The following RABGAP1 variants were observed in gnomAD, a reference collection of about 807,000 sequenced individuals.
RABGAP1 encodes the protein RAB GTPase activating protein 1, also known as rab GTPase-activating protein 1.
In RABGAP1, 23 loss-of-function variants were observed where a neutral mutation model predicts 137.6. That is an observed-to-expected ratio of 0.17 (90% CI 0.12 to 0.24). The LOEUF (loss-of-function observed/expected upper bound fraction) is 0.24, where lower values mean the gene tolerates loss of function less well. Ranked by LOEUF, RABGAP1 falls within the 10% of genes least tolerant of loss-of-function variation. The pLI is 1.00. For synonymous variants in RABGAP1, 451 were observed against 450.7 expected (o/e 1.00, Z -0.01); for missense variants, 906 against 1,275.8 (o/e 0.71, Z 4.42).
chr9:122,989,998 A>G (rs1836585380), intron 5 of RABGAP1, 58 bp from the exon 6 acceptor site: 2 of 1,449,182 alleles, frequency 1.4e-6, no homozygotes, highest in Non-Finnish European at 1.9e-6. Flanking sequence ...TTCCAGCCTT[A>G]ATAAAGGTAT....
Position 122,962,029 on chromosome 9 carries a change from A to G in RABGAP1, c.150+4820A>G, listed in dbSNP as rs533532693. Among the ~76,000 whole-genome samples, 3 of 152,310 alleles carry G rather than the reference A, an allele frequency of 2.0e-5. No homozygotes were observed. In the East Asian group the frequency reaches 5.8e-4, roughly 29 times the overall value. On this transcript the variant is annotated intron_variant, in intron 2 of 25. Transcript: ENST00000373647. Reference sequence around the variant, plus strand: ...CTTCTTTAAAGGTATATATAAAATTATATAAAGTAATAATTGTGACAATGT... The same window carrying G: ...CTTCTTTAAAGGTATATATAAAATTGTATAAAGTAATAATTGTGACAATGT...
At chr9:123,014,350 T>C (rs2031054870) in intron 11 of RABGAP1, among the ~76,000 whole-genome samples, 1 of 152,232 alleles carries the variant, frequency 6.6e-6, no homozygotes. Flanking sequence ...AAAGTATGTT[T>C]GTGTTTTCTT....
At chr9:123,088,313 G>A (rs2034931216) in intron 19 of RABGAP1, among the ~76,000 whole-genome samples, 1 of 151,942 alleles carries the variant, frequency 6.6e-6, no homozygotes, top group African/African-American at 2.4e-5. Flanking sequence ...GCCTCCCAAA[G>A]TGCTGAGATT....
intron 10 of RABGAP1, 52 bp downstream of exon 10, chr9:122,998,818 C>CGTGAT: frequency 8.2e-7 from 1 of 1,213,248 alleles, no homozygotes; most frequent in Non-Finnish European, 1.1e-6. Flanking sequence ...GGAGAAATCA[C>CGTGAT]GTCTGAGGCT....
At position 123,104,606 on chromosome 9, in the gene RABGAP1, GA is replaced by G. The variant is rs2035446513; in HGVS notation, c.*1394del. The G allele has an allele frequency of 6.6e-6, 1 of 152,326 alleles. No individual in the cohort carries two copies. Among genetic ancestry groups the G allele is most frequent in the Non-Finnish European group, 1.5e-5 (1 of 68,046 alleles). The allele number at this position is 152,326 out of a possible 1,614,324, so 9.4% of individuals were successfully genotyped here. The stretch of plus-strand genomic sequence containing the variant: ...CTTATTGGCTGTACTAACGCTTGCT[GA>G]GGTTATCTGTAATAAGGGAGGTAAC... On this transcript the variant is annotated 3_prime_UTR_variant, in exon 26 of 26. Transcript: ENST00000373647.
chr9:123,042,854 A>T (rs1017667862), intron 13 of RABGAP1, among the ~76,000 whole-genome samples: 1 of 152,236 alleles, frequency 6.6e-6, no homozygotes, highest in Admixed American at 6.5e-5. Flanking sequence ...AAAGATTCAC[A>T]TGATGGCAAA....
chr9:123,052,064 C>T (rs2033506669), intron 13 of RABGAP1, among the ~76,000 whole-genome samples: 1 of 151,906 alleles, frequency 6.6e-6, no homozygotes, highest in South Asian at 2.1e-4. Context: ...GTCGACCTCC[C>T]AAAGTACTGG....
chr9:122,997,862 T>C (rs1837114981), intron 9 of RABGAP1, among the ~76,000 whole-genome samples: 1 of 152,196 alleles, frequency 6.6e-6, no homozygotes, highest in African/African-American at 2.4e-5. Flanking sequence ...AAAATGTAAT[T>C]TGCTTAATAA....
intron 2 of RABGAP1, among the ~76,000 whole-genome samples, chr9:122,968,111 CATG>C (rs777704716): frequency 2.6e-5 from 4 of 151,764 alleles, no homozygotes; most frequent in African/African-American, 7.3e-5. Flanking sequence ...TTACATGAGA[CATG>C]AGACATTTTC....
intron 13 of RABGAP1, among the ~76,000 whole-genome samples, chr9:123,027,108 C>CTTTTTTTTTTT (rs71388345): frequency 1.0e-5 from 1 of 100,058 alleles, no homozygotes; most frequent in African/African-American, 3.4e-5. Context: ...TCTTTCTTTT[C>CTTTTTTTTTTT]TTTTTTTTTT....
chr9:123,044,687 A>C (rs1052207722), intron 13 of RABGAP1, among the ~76,000 whole-genome samples: 1 of 151,866 alleles, frequency 6.6e-6, no homozygotes, highest in African/African-American at 2.4e-5. Flanking sequence ...GTGCTGGTAC[A>C]TGAGTATAAT....
rs544096204 is a variant in RABGAP1 at position 123,027,230 on chromosome 9, C to CA, written c.1794+6772dup. Among the ~76,000 whole-genome samples the CA allele has an allele frequency of 1.2e-4, 18 of 151,262 alleles. No homozygotes were observed. The South Asian group carries it at 3.7e-3, about 32-fold the overall frequency. ...CTCCCAGGTTCAGTGATTCTCCTGT[C>CA]ACAGCCTCCCGAGTAGCTGGGACTA... On this transcript the variant is annotated intron_variant, in intron 13 of 25. Coordinates refer to ENST00000373647, the MANE Select transcript of RABGAP1 (RefSeq NM_012197.4).
intron 10 of RABGAP1, among the ~76,000 whole-genome samples, chr9:123,007,108 CAG>C (rs1322086600): frequency 6.7e-6 from 1 of 150,336 alleles, no homozygotes; most frequent in Non-Finnish European, 1.5e-5. Flanking sequence ...TTTTTTTAGA[CAG>C]AGTCTCACTA....
intron 13 of RABGAP1, among the ~76,000 whole-genome samples, chr9:123,057,115 C>A (rs1270365604): frequency 4.0e-5 from 6 of 148,704 alleles, no homozygotes; most frequent in Admixed American, 2.7e-4. Context: ...CTGACCCCCC[C>A]ACCTCCCTCC....
intron 2 of RABGAP1, among the ~76,000 whole-genome samples, chr9:122,964,639 C>A (rs1319692465): frequency 6.6e-6 from 1 of 152,142 alleles, no homozygotes; most frequent in Non-Finnish European, 1.5e-5. Flanking sequence ...AGTGATTCTT[C>A]CCCCGCCTAA....
intron 13 of RABGAP1, among the ~76,000 whole-genome samples, chr9:123,038,860 C>T (rs1588314304): frequency 6.6e-6 from 1 of 151,892 alleles, no homozygotes; most frequent in East Asian, 1.9e-4. Context: ...GACAAAAGGG[C>T]ATCATATAGT....
intron 8 of RABGAP1, 135 bp downstream of exon 8, chr9:122,996,740 GT>G: frequency 1.3e-6 from 1 of 754,912 alleles, no homozygotes; most frequent in Non-Finnish European, 2.1e-6. Context: ...ACATGCAAAG[GT>G]AAGATAATTT....
At chr9:122,943,821 CAGGTGCCT>C (rs562882269) in intron 1 of RABGAP1, among the ~76,000 whole-genome samples, 1 of 152,114 alleles carries the variant, frequency 6.6e-6, no homozygotes, top group South Asian at 2.1e-4. Flanking sequence ...GGCGTGGTGG[CAGGTGCCT>C]GTAGTCCCAG....
intron 19 of RABGAP1, among the ~76,000 whole-genome samples, chr9:123,080,191 T>TC (rs1024063613): frequency 2.0e-5 from 3 of 152,242 alleles, no homozygotes; most frequent in African/African-American, 7.2e-5. Context: ...TCTTTTTTTT[T>TC]CTTGCCTATG....
Sources: allele counts gnomAD v4.1 joint callset (sites outside exome capture counted in the v4.1 genomes callset), GRCh38; gene constraint gnomAD v4.1.1; transcripts MANE v1.5; gene names NCBI Gene and HGNC (gene_info 2026-07-23, HGNC 2026-07-21).